Variants in RBFOX1 observed in about 807,000 individuals in gnomAD.
RBFOX1 encodes the protein RNA binding fox-1 homolog 1.
Under a neutral mutation model 57.7 loss-of-function variants are expected in RBFOX1, and 8 were observed. That is an observed-to-expected ratio of 0.14 (90% CI 0.08 to 0.25). The LOEUF (loss-of-function observed/expected upper bound fraction) is 0.25. Among genes scored for constraint, RBFOX1 ranks in the 10% least tolerant of loss-of-function variants. RBFOX1 has a pLI of 1.00. For missense variants in RBFOX1, 611 were observed against 548.5 expected (o/e 1.11, Z -1.14); for synonymous variants, 326 against 222.4 (o/e 1.47, Z -4.15).
intron 4 of RBFOX1, among the ~76,000 whole-genome samples, chr16:5,949,594 A>C (rs1421908292): frequency 6.6e-6 from 1 of 151,552 alleles, no homozygotes; most frequent in African/African-American, 2.4e-5. Flanking sequence ...ATTTGGTTAC[A>C]ATGTCTCGAG....
At chr16:7,421,504 G>T (rs931081267) in intron 4 of RBFOX1, among the ~76,000 whole-genome samples, 1 of 152,180 alleles carries the variant, frequency 6.6e-6, no homozygotes, top group Admixed American at 6.5e-5. Flanking sequence ...CATTTCCCAG[G>T]CACAGCCAGG....
rs544361678 is a variant in RBFOX1, at chr16:7,330,983, G to A, written c.28-187164G>A. Among the ~76,000 whole-genome samples the A allele has an allele frequency of 4.6e-5, 7 of 152,270 alleles. No individual in the cohort carries two copies. In the South Asian group the frequency reaches 1.5e-3, roughly 32 times the overall value. On this transcript the variant is annotated intron_variant, in intron 4 of 15. Coordinates refer to ENST00000550418, the MANE Select transcript of RBFOX1 (RefSeq NM_018723.4). ...GGGCTGTTGAGTAAGAGGGGTCAGT[G>A]CGCAGCTGTTATGGGAGCTTTTTGA... is the stretch of plus-strand genomic sequence containing the variant.
chr16:7,340,349 T>G (rs2096869385), intron 4 of RBFOX1, among the ~76,000 whole-genome samples: 1 of 152,232 alleles, frequency 6.6e-6, no homozygotes, highest in Admixed American at 6.5e-5. Flanking sequence ...CCTGATCACT[T>G]GTTGCCATTG....
At chr16:5,786,959 A>G (rs990715639) in intron 3 of RBFOX1, among the ~76,000 whole-genome samples, 2 of 152,254 alleles carry the variant, frequency 1.3e-5, no homozygotes, top group South Asian at 2.1e-4. Context: ...AACATGGTGA[A>G]ACCCCATCTC....
At chr16:6,478,429 A>ATTTTTTTTTTTT (rs58352204) in intron 2 of RBFOX1, among the ~76,000 whole-genome samples, 5 of 24,624 alleles carry the variant, frequency 2.0e-4, no homozygotes, top group Non-Finnish European at 3.9e-4. Context: ...ATATATATAT[A>ATTTTTTTTTTTT]TTTTTTTTTT....
chr16:6,453,735 G>A lies in RBFOX1; in HGVS notation c.-64+136678G>A, dbSNP rs551327814. On this transcript the variant is annotated intron_variant, in intron 2 of 15. Transcript: ENST00000550418. ...TGGTTTCACTGGTGTTGTCTGTAAT[G>A]GCAGCCATGAGCCCCATGTGACTGT... is the stretch of plus-strand genomic sequence containing the variant. 1.2e-4 allele frequency among the ~76,000 whole-genome samples: 19 copies of A among 152,274 alleles called. No individual in the cohort carries two copies. The South Asian group carries it at 3.9e-3, about 32-fold the overall frequency.
chr16:6,986,085 A>G lies in RBFOX1; in HGVS notation c.-15-65972A>G, dbSNP rs949852686. ...ATTTGTCTTTTTAAAAATGTGCAATATTTTTTCAACTTTTTATTTTGAAAA... is the reference window on the plus strand; with the variant it reads ...ATTTGTCTTTTTAAAAATGTGCAATGTTTTTTCAACTTTTTATTTTGAAAA... On this transcript the variant is annotated intron_variant, in intron 3 of 15. Coordinates refer to ENST00000550418, the MANE Select transcript of RBFOX1 (RefSeq NM_018723.4). Among the ~76,000 whole-genome samples, 8 of 151,702 alleles carry G rather than the reference A, an allele frequency of 5.3e-5. No individual in the cohort carries two copies. In the South Asian group the frequency reaches 8.3e-4, roughly 16 times the overall value.
rs1006707810 is a variant in RBFOX1, at chr16:7,127,883, G to A, written c.27+75785G>A. Among the ~76,000 whole-genome samples the A allele has an allele frequency of 2.0e-5, 3 of 152,220 alleles. 1 individual carries two copies. Among genetic ancestry groups the A allele is most frequent in the South Asian group, 4.1e-4 (2 of 4,828 alleles). On this transcript the variant is annotated intron_variant, in intron 4 of 15. Coordinates refer to ENST00000550418, the MANE Select transcript of RBFOX1 (RefSeq NM_018723.4). Reference sequence around the variant, plus strand: ...GCATATTAATCAGGCACTGTTGGTTGCAAGCAACAGAGTCACAATGCACCT... The same window carrying A: ...GCATATTAATCAGGCACTGTTGGTTACAAGCAACAGAGTCACAATGCACCT...
chr16:6,639,166 G>A (rs898915161), intron 2 of RBFOX1, among the ~76,000 whole-genome samples: 2 of 152,168 alleles, frequency 1.3e-5, no homozygotes, highest in African/African-American at 4.8e-5. Flanking sequence ...TTCAAATCAT[G>A]TGCGCTAGCT....
intron 4 of RBFOX1, among the ~76,000 whole-genome samples, chr16:7,399,558 T>C (rs1296554394): frequency 6.6e-6 from 1 of 152,238 alleles, no homozygotes; most frequent in Non-Finnish European, 1.5e-5. Context: ...CCTGGCTCTC[T>C]TTTAGCCTCT....
intron 4 of RBFOX1, among the ~76,000 whole-genome samples, chr16:7,088,934 C>T (rs62014110): frequency 0.29 from 44,396 of 152,100 alleles, 8,188 homozygotes; most frequent in East Asian, 0.54. Context: ...CCAGTCCCTG[C>T]TCTGGTTCAA....
At chr16:7,028,563 G>A (rs1462730018) in intron 3 of RBFOX1, among the ~76,000 whole-genome samples, 1 of 121,460 alleles carries the variant, frequency 8.2e-6, no homozygotes. Context: ...CTCCAACCTG[G>A]GCAATAAGAG....
intron 4 of RBFOX1, among the ~76,000 whole-genome samples, chr16:7,448,025 C>T (rs1348565276): frequency 6.6e-6 from 1 of 152,194 alleles, no homozygotes; most frequent in African/African-American, 2.4e-5. Flanking sequence ...ACCCTCCTTT[C>T]TTCTGAAGCA....
chr16:5,942,601 A>G (rs1022303746), intron 4 of RBFOX1, among the ~76,000 whole-genome samples: 8 of 152,088 alleles, frequency 5.3e-5, no homozygotes, highest in African/African-American at 7.2e-5. Context: ...ATGATCCTAA[A>G]TTTGTGGGCT....
At chr16:7,145,662 C>T (rs1050461240) in intron 4 of RBFOX1, among the ~76,000 whole-genome samples, 1 of 152,092 alleles carries the variant, frequency 6.6e-6, no homozygotes, top group East Asian at 1.9e-4. Context: ...TGTTTAATAG[C>T]TGAATTCTGT....
chr16:6,140,566 C>G (rs148452956), intron 1 of RBFOX1, among the ~76,000 whole-genome samples: 5 of 152,264 alleles, frequency 3.3e-5, no homozygotes, highest in African/African-American at 1.2e-4. Context: ...CAAGTATCCT[C>G]TGTTCATTCA....
At chr16:7,318,383 T>C (rs1257917698) in intron 4 of RBFOX1, among the ~76,000 whole-genome samples, 1 of 152,004 alleles carries the variant, frequency 6.6e-6, no homozygotes, top group Non-Finnish European at 1.5e-5. Context: ...TGATGATGTT[T>C]GGTGATGAGA....
intron 5 of RBFOX1, among the ~76,000 whole-genome samples, chr16:7,542,918 C>T (rs1455792548): frequency 3.3e-5 from 5 of 152,000 alleles, no homozygotes; most frequent in Admixed American, 6.5e-5. Flanking sequence ...AAAAACACCA[C>T]CACCACCCCA....
At chr16:5,358,704 A>G (rs9934980) in intron 1 of RBFOX1, among the ~76,000 whole-genome samples, 2 of 152,156 alleles carry the variant, frequency 1.3e-5, no homozygotes, top group East Asian at 1.9e-4. Context: ...ATGTATGCCT[A>G]TAATCCCAGC....
Sources: allele counts gnomAD v4.1 joint callset (sites outside exome capture counted in the v4.1 genomes callset), GRCh38; gene constraint gnomAD v4.1.1; transcripts MANE v1.5; gene names NCBI Gene and HGNC (gene_info 2026-07-23, HGNC 2026-07-21).